The following TRAPPC9 variants were observed in gnomAD, a reference collection of about 807,000 sequenced individuals.
The protein encoded by TRAPPC9 is trafficking protein particle complex subunit 9, also known as IKK2 binding protein.
In TRAPPC9, 83 loss-of-function variants were observed where a neutral mutation model predicts 124.0. The ratio of observed to expected loss-of-function variants is 0.67; its 90% CI spans 0.56 to 0.80. The LOEUF (loss-of-function observed/expected upper bound fraction) is 0.80. Among genes scored for constraint, TRAPPC9 ranks in the 30% least tolerant of loss-of-function variants. The pLI is 0.00. For missense variants in TRAPPC9, 1,302 were observed against 1,508.3 expected, an observed-to-expected ratio of 0.86 and a Z score of 2.27; for synonymous variants, 638 against 617.5, an observed-to-expected ratio of 1.03 and a Z score of -0.49.
chr8:139,902,328 C>T (rs1482423542), intron 20 of TRAPPC9, among the ~76,000 whole-genome samples: 1 of 152,206 alleles, frequency 6.6e-6, no homozygotes, highest in Non-Finnish European at 1.5e-5. Flanking sequence ...CTGTGCCTCT[C>T]CCACCTTACC....
intron 17 of TRAPPC9, among the ~76,000 whole-genome samples, chr8:140,124,171 C>T (rs904686043): frequency 3.3e-5 from 5 of 152,230 alleles, no homozygotes; most frequent in Admixed American, 3.3e-4. Flanking sequence ...TAAAACAACA[C>T]AAACTGATAA....
intron 9 of TRAPPC9, among the ~76,000 whole-genome samples, chr8:140,335,788 C>T (rs190679624): frequency 6.8e-6 from 1 of 146,468 alleles, no homozygotes; most frequent in Non-Finnish European, 1.5e-5. Flanking sequence ...CTCACCAAAA[C>T]CTCCACCTCC....
intron 17 of TRAPPC9, among the ~76,000 whole-genome samples, chr8:140,033,250 A>C (rs1433505563): frequency 6.6e-6 from 1 of 152,236 alleles, no homozygotes; most frequent in Non-Finnish European, 1.5e-5. Context: ...GATGAGAATA[A>C]AGATTCCAAA....
intron 17 of TRAPPC9, among the ~76,000 whole-genome samples, chr8:140,117,402 C>T (rs536617604): frequency 3.3e-5 from 5 of 152,276 alleles, no homozygotes; most frequent in African/African-American, 1.2e-4. Flanking sequence ...AGTCCAAGAT[C>T]AAGGCTTTAG....
intron 15 of TRAPPC9, among the ~76,000 whole-genome samples, chr8:140,256,213 G>T (rs1203905047): frequency 6.6e-6 from 1 of 152,176 alleles, no homozygotes; most frequent in Non-Finnish European, 1.5e-5. Flanking sequence ...GCTGCTCAGG[G>T]GAATGTGTGG....
chr8:140,000,614 CAACA>C (rs2131792613), intron 18 of TRAPPC9, among the ~76,000 whole-genome samples: 1 of 152,250 alleles, frequency 6.6e-6, no homozygotes, highest in South Asian at 2.1e-4. Context: ...TTTATGCAGC[CAACA>C]GACACATGAA....
At chr8:140,175,863 C>T (rs2062058062) in intron 17 of TRAPPC9, among the ~76,000 whole-genome samples, 1 of 152,244 alleles carries the variant, frequency 6.6e-6, no homozygotes, top group Non-Finnish European at 1.5e-5. Context: ...CTACAACTAT[C>T]TCACATTGTA....
intron 21 of TRAPPC9, among the ~76,000 whole-genome samples, chr8:139,856,770 G>A (rs1257639915): frequency 1.3e-5 from 2 of 151,978 alleles, no homozygotes; most frequent in East Asian, 3.9e-4. Context: ...TGAAGGAAGG[G>A]GAGGGGATGG....
intron 18 of TRAPPC9, among the ~76,000 whole-genome samples, chr8:139,999,047 A>G (rs972920387): frequency 5.3e-5 from 8 of 152,196 alleles, no homozygotes; most frequent in African/African-American, 1.9e-4. Flanking sequence ...AAAAGGAGAA[A>G]TGGAACAATA....
intron 17 of TRAPPC9, among the ~76,000 whole-genome samples, chr8:140,068,002 G>A (rs540900678): frequency 9.4e-6 from 1 of 106,060 alleles, no homozygotes; most frequent in Non-Finnish European, 1.9e-5. Flanking sequence ...AAAACAAGCG[G>A]ATTTATGTGT....
chr8:140,023,141 A>T (rs1839917470), intron 18 of TRAPPC9, among the ~76,000 whole-genome samples: 1 of 152,114 alleles, frequency 6.6e-6, no homozygotes, highest in African/African-American at 2.4e-5. Flanking sequence ...CCGGACACGA[A>T]CACCAGGACG....
chr8:140,080,638 A>G (rs1843762429), intron 17 of TRAPPC9, among the ~76,000 whole-genome samples: 1 of 152,158 alleles, frequency 6.6e-6, no homozygotes, highest in Admixed American at 6.5e-5. Flanking sequence ...TCTATTCCGG[A>G]GGGTTCAGCC....
At chr8:140,120,113 G>A (rs888974578) in intron 17 of TRAPPC9, among the ~76,000 whole-genome samples, 1 of 152,192 alleles carries the variant, frequency 6.6e-6, no homozygotes, top group Admixed American at 6.5e-5. Flanking sequence ...GCATGTATGT[G>A]TTCAGCACTG....
chr8:140,138,669 C>T (rs564242675), intron 17 of TRAPPC9, among the ~76,000 whole-genome samples: 23 of 152,242 alleles, frequency 1.5e-4, no homozygotes, highest in South Asian at 2.1e-4. Context: ...GAACAGTAAG[C>T]GCATTCTGCC....
intron 21 of TRAPPC9, among the ~76,000 whole-genome samples, chr8:139,753,413 T>A (rs11779644): frequency 0.24 from 37,280 of 152,192 alleles, 6,543 homozygotes; most frequent in African/African-American, 0.5. Context: ...TCCCTCATCT[T>A]TCCATCTATC....
chr8:140,296,311 CT>C (rs2065802743), intron 11 of TRAPPC9, among the ~76,000 whole-genome samples: 1 of 152,188 alleles, frequency 6.6e-6, no homozygotes, highest in African/African-American at 2.4e-5. Context: ...GTCACCCAGG[CT>C]GGAGTGCAGT....
Position 140,182,881 on chromosome 8 carries a change from C to T in TRAPPC9, c.2556+38578G>A, listed in dbSNP as rs956766169. ...CACCAGCTTCCCAGTGCAGCCTTTC[C>T]AATGCACGGGAGCCAGCACTCTCTC... On this transcript the variant is annotated intron_variant, in intron 17 of 22. Transcript: ENST00000438773. This position sits in a 1 kb window ranked among gnomAD's most constrained non-coding sequence, Gnocchi z 4.0. Among the ~76,000 whole-genome samples, 7 of 152,096 alleles carry T rather than the reference C, an allele frequency of 4.6e-5. No individual in the cohort carries two copies. The highest frequency in any genetic ancestry group is 1.0e-4 in the Non-Finnish European group (7 of 68,012).
At chr8:139,870,105 G>A (rs1828802497) in intron 21 of TRAPPC9, among the ~76,000 whole-genome samples, 1 of 152,134 alleles carries the variant, frequency 6.6e-6, no homozygotes, top group Non-Finnish European at 1.5e-5. Context: ...TCACTCCTGG[G>A]TACACGGACA....
In TRAPPC9 at chr8:139,729,831, GCTCT is replaced by G. The variant is rs547774754; in HGVS notation, c.*1226_*1229del. On this transcript the variant is annotated 3_prime_UTR_variant, in exon 23 of 23. Coordinates refer to ENST00000438773, the MANE Select transcript of TRAPPC9 (RefSeq NM_001160372.4). Reference sequence around the variant, plus strand: ...GGCCAACTGGCCTTTAGGAAGCCCCGCTCTCTGTCCCCCAATACTCCATGGGAGT... The same window carrying G: ...GGCCAACTGGCCTTTAGGAAGCCCCGCTGTCCCCCAATACTCCATGGGAGT... 5.2e-3 allele frequency among the ~76,000 whole-genome samples: 791 copies of G among 152,230 alleles called. 11 individuals carry two copies. The highest frequency in any genetic ancestry group is 7.7e-3 in the South Asian group (37 of 4,818).
Sources: gnomAD v4.1 joint callset for allele counts (sites outside exome capture counted in the v4.1 genomes callset) on GRCh38, gnomAD v4.1.1 for gene constraint, Gnocchi (gnomAD v3.1) non-coding constraint, MANE v1.5 for transcripts, NCBI Gene and HGNC (gene_info 2026-07-23, HGNC 2026-07-21) for gene names.